CALN1: variants seen among roughly 807,000 people sequenced by gnomAD.
CALN1 encodes calneuron 1.
A neutral mutation model predicts 30.6 loss-of-function variants in CALN1; 17 were observed. The observed-to-expected ratio is 0.56, with a 90% CI of 0.38 to 0.83. The LOEUF (loss-of-function observed/expected upper bound fraction) is 0.83. Ranked by LOEUF, CALN1 falls within the 40% of genes least tolerant of loss-of-function variation. The pLI is 0.00. For missense variants in CALN1, 291 were observed against 354.9 expected (o/e 0.82, Z 1.45); for synonymous variants, 156 against 131.4 (o/e 1.19, Z -1.28).
At chr7:72,337,135 C>T in intron 2 of CALN1, 1 of 985,894 alleles carries the variant, frequency 1.0e-6, no homozygotes, top group Non-Finnish European at 1.2e-6. Context: ...GGCCGAGGCC[C>T]CGCTGGAGTT....
chr7:72,293,867 C>A (rs984987634), intron 2 of CALN1, among the ~76,000 whole-genome samples: 1 of 152,102 alleles, frequency 6.6e-6, no homozygotes, highest in Non-Finnish European at 1.5e-5. Flanking sequence ...GAGGCCAAGG[C>A]AGGCAGATCA....
chr7:71,897,617 T>C (rs1793598313), intron 5 of CALN1, among the ~76,000 whole-genome samples: 1 of 152,056 alleles, frequency 6.6e-6, no homozygotes, highest in South Asian at 2.1e-4. Context: ...GGAAGGAAAT[T>C]GAGCATTTCC....
the CALN1 span, among the ~76,000 whole-genome samples, chr7:72,463,978 A>T: frequency 2.1e-5 from 2 of 93,298 alleles, no homozygotes; most frequent in Non-Finnish European, 3.7e-5. Context: ...GAAGGAAGGA[A>T]GGGAAGGAGG....
At chr7:72,174,943 G>T (rs189090538) in intron 3 of CALN1, among the ~76,000 whole-genome samples, 2 of 133,574 alleles carry the variant, frequency 1.5e-5, no homozygotes, top group Admixed American at 1.5e-4. Context: ...TTTTTTTTGA[G>T]ACGGAGTCTC....
At chr7:72,128,227 A>T (rs566015998) in intron 3 of CALN1, among the ~76,000 whole-genome samples, 1 of 152,352 alleles carries the variant, frequency 6.6e-6, no homozygotes, top group South Asian at 2.1e-4. Context: ...CGATTAGCTA[A>T]ATAAATAATA....
intron 2 of CALN1, among the ~76,000 whole-genome samples, chr7:72,304,153 T>G (rs1349932085): frequency 6.6e-6 from 1 of 152,206 alleles, no homozygotes; most frequent in Admixed American, 6.5e-5. Flanking sequence ...TCCAAAGGTA[T>G]GGTTTCAAGT....
At chr7:72,402,286 C>A (rs550704366) in intron 2 of CALN1, among the ~76,000 whole-genome samples, 53 of 152,290 alleles carry the variant, frequency 3.5e-4, no homozygotes, top group African/African-American at 1.2e-3. Flanking sequence ...GTTCCTGGGT[C>A]CCACAGCCTA....
At chr7:72,225,343 C>T (rs957752669) in intron 3 of CALN1, among the ~76,000 whole-genome samples, 3 of 152,130 alleles carry the variant, frequency 2.0e-5, no homozygotes, top group South Asian at 2.1e-4. Flanking sequence ...CACCCTGCTT[C>T]GGTTCTTTTT....
chr7:72,022,192 A>G (rs1584762801), intron 5 of CALN1, among the ~76,000 whole-genome samples: 1 of 152,162 alleles, frequency 6.6e-6, no homozygotes, highest in South Asian at 2.1e-4. Context: ...ACCCTTCAAG[A>G]CTGTATTTTC....
chr7:72,208,224 A>G lies in CALN1; in HGVS notation c.244+70462T>C, dbSNP rs191397730. ...ATGGGTAGCTGCAAATGTAGTTTTAATAAGTCACCTGGTTTTATGATATTC... is the reference window on the plus strand; with the variant it reads ...ATGGGTAGCTGCAAATGTAGTTTTAGTAAGTCACCTGGTTTTATGATATTC... On this transcript the variant is annotated intron_variant, in intron 3 of 6. Transcript: ENST00000395275. 1.4e-3 allele frequency among the ~76,000 whole-genome samples: 218 copies of G among 152,336 alleles called. 1 individual carries two copies. Among genetic ancestry groups the G allele is most frequent in the African/African-American group, 4.7e-3 (197 of 41,578 alleles).
At chr7:72,203,510 C>T (rs1273399843) in intron 3 of CALN1, among the ~76,000 whole-genome samples, 1 of 152,068 alleles carries the variant, frequency 6.6e-6, no homozygotes, top group Non-Finnish European at 1.5e-5. Flanking sequence ...TGCAATACTT[C>T]CCTTGATAAC....
chr7:71,904,578 G>C (rs921703626), intron 5 of CALN1, among the ~76,000 whole-genome samples: 4 of 152,124 alleles, frequency 2.6e-5, no homozygotes, highest in Non-Finnish European at 5.9e-5. Flanking sequence ...AGATACTGGT[G>C]AAAGAACACA....
At chr7:72,039,883 G>A (rs955344678) in intron 4 of CALN1, among the ~76,000 whole-genome samples, 28 of 152,130 alleles carry the variant, frequency 1.8e-4, no homozygotes, top group African/African-American at 6.5e-4. Flanking sequence ...ATGTGTCATT[G>A]AGATGGCAGC....
At chr7:72,108,689 T>C (rs545848894) in intron 3 of CALN1, among the ~76,000 whole-genome samples, 2 of 152,316 alleles carry the variant, frequency 1.3e-5, no homozygotes, top group South Asian at 4.1e-4. Flanking sequence ...CCCTATGATA[T>C]ATAAGTCCTG....
At chr7:72,336,867 TGCCGGCATCCTCGCTGCC>T in intron 2 of CALN1, 1 of 984,860 alleles carries the variant, frequency 1.0e-6, no homozygotes, top group Non-Finnish European at 1.2e-6. Flanking sequence ...CGCGTCCCCG[TGCCGGCATCCTCGCTGCC>T]GCCGGCTCCC....
the CALN1 span, among the ~76,000 whole-genome samples, chr7:72,472,342 C>T: frequency 1.3e-5 from 2 of 152,172 alleles, no homozygotes; most frequent in Non-Finnish European, 2.9e-5. Context: ...TAGTTGCCCC[C>T]GGCACAATAT....
chr7:71,842,069 T>C (rs1487054678), intron 5 of CALN1, among the ~76,000 whole-genome samples: 1 of 151,784 alleles, frequency 6.6e-6, no homozygotes, highest in East Asian at 1.9e-4. Context: ...TGCCAGTTTG[T>C]TACTGATTAG....
the CALN1 span, among the ~76,000 whole-genome samples, chr7:72,478,665 G>A: frequency 5.9e-5 from 9 of 152,058 alleles, no homozygotes; most frequent in East Asian, 1.5e-3. Context: ...GTACCTGATT[G>A]CTTCCCCTGC....
intron 3 of CALN1, among the ~76,000 whole-genome samples, chr7:72,115,848 C>T (rs1252535345): frequency 1.3e-5 from 2 of 151,934 alleles, no homozygotes; most frequent in Non-Finnish European, 2.9e-5. Context: ...CCTCTGGTAA[C>T]CAGCAACCTA....
Sources: allele counts gnomAD v4.1 joint callset (sites outside exome capture counted in the v4.1 genomes callset), GRCh38; gene constraint gnomAD v4.1.1; transcripts MANE v1.5; gene names NCBI Gene and HGNC (gene_info 2026-07-23, HGNC 2026-07-21).